Variants in C10orf90 observed in about 807,000 individuals in gnomAD.
The protein encoded by C10orf90 is chromosome 10 open reading frame 90.
In C10orf90, 56 loss-of-function variants were observed where a neutral mutation model predicts 62.5. The ratio of observed to expected loss-of-function variants is 0.90; its 90% CI spans 0.72 to 1.12. C10orf90 has a LOEUF of 1.12. Among genes scored for constraint, C10orf90 ranks in the 50% most tolerant of loss-of-function variants. The pLI is 0.00. For missense variants in C10orf90, 970 were observed against 880.4 expected, an observed-to-expected ratio of 1.10 and a Z score of -1.29; for synonymous variants, 386 against 340.4, an observed-to-expected ratio of 1.13 and a Z score of -1.47.
chr10:126,655,294 G>A (rs928907433), intron 1 of C10orf90, among the ~76,000 whole-genome samples: 2 of 152,100 alleles, frequency 1.3e-5, no homozygotes, highest in Non-Finnish European at 2.9e-5. Flanking sequence ...CTCCAGCCTG[G>A]CAACAGAGCA....
At chr10:126,531,008 T>TAG (rs1193638430) in intron 2 of C10orf90, among the ~76,000 whole-genome samples, 1 of 151,784 alleles carries the variant, frequency 6.6e-6, no homozygotes, top group Non-Finnish European at 1.5e-5. Flanking sequence ...ACCCTGTCTC[T>TAG]ACTAAAAATA....
chr10:126,503,641 A>G (rs1862528735), intron 4 of C10orf90, among the ~76,000 whole-genome samples: 1 of 152,164 alleles, frequency 6.6e-6, no homozygotes, highest in Non-Finnish European at 1.5e-5. Context: ...CCTCTTTTGG[A>G]ACGCAATTTG....
intron 4 of C10orf90, among the ~76,000 whole-genome samples, chr10:126,485,950 A>T (rs1430063884): frequency 2.2e-5 from 2 of 90,518 alleles, no homozygotes; most frequent in Non-Finnish European, 4.2e-5. Context: ...CCATCTCAAG[A>T]AAAAAAAAAA....
chr10:126,640,267 G>C (rs1215491023), intron 2 of C10orf90, among the ~76,000 whole-genome samples: 1 of 152,254 alleles, frequency 6.6e-6, no homozygotes. Flanking sequence ...AAGCTGAGGA[G>C]CAGGTCAGAA....
intron 4 of C10orf90, among the ~76,000 whole-genome samples, chr10:126,471,429 G>A (rs762517637): frequency 2.0e-5 from 3 of 152,192 alleles, no homozygotes; most frequent in Non-Finnish European, 4.4e-5. Flanking sequence ...GGGGCAGAGG[G>A]GCTGATGACC....
intron 2 of C10orf90, among the ~76,000 whole-genome samples, chr10:126,594,856 A>G (rs1461331214): frequency 6.6e-6 from 1 of 152,122 alleles, no homozygotes; most frequent in African/African-American, 2.4e-5. Flanking sequence ...AGGTGAAAAA[A>G]GAAGGGCACT....
At chr10:126,571,314 G>T (rs1844501045) in intron 2 of C10orf90, among the ~76,000 whole-genome samples, 1 of 152,194 alleles carries the variant, frequency 6.6e-6, no homozygotes, top group African/African-American at 2.4e-5. Context: ...CCAAAGGGCA[G>T]GTGAGACTCA....
At chr10:126,617,864 G>A (rs535931180) in intron 2 of C10orf90, among the ~76,000 whole-genome samples, 39 of 152,272 alleles carry the variant, frequency 2.6e-4, no homozygotes, top group Non-Finnish European at 2.6e-4. Context: ...TTATACAGTC[G>A]GAGAGAAAGA....
intron 7 of C10orf90, among the ~76,000 whole-genome samples, chr10:126,434,035 C>T (rs1200952980): frequency 6.6e-6 from 1 of 152,148 alleles, no homozygotes. Flanking sequence ...AGTCTTGCAT[C>T]TGCCTCATTA....
chr10:126,481,913 A>G (rs1194952445), intron 4 of C10orf90, among the ~76,000 whole-genome samples: 1 of 152,296 alleles, frequency 6.6e-6, no homozygotes, highest in East Asian at 1.9e-4. Flanking sequence ...GCTGACCATA[A>G]AGAAATTAAG....
At chr10:126,498,022 T>A (rs1862164570) in intron 4 of C10orf90, among the ~76,000 whole-genome samples, 1 of 152,202 alleles carries the variant, frequency 6.6e-6, no homozygotes, top group African/African-American at 2.4e-5. Context: ...TTCTTCTGGC[T>A]TCCCTAAAGA....
At chr10:126,442,487 A>ATATATATATATATATCTATATC (rs1449750468) in intron 7 of C10orf90, among the ~76,000 whole-genome samples, 1 of 96,574 alleles carries the variant, frequency 1.0e-5, no homozygotes, top group African/African-American at 4.3e-5. Context: ...TCATATATAT[A>ATATATATATATATATCTATATC]TATATATATA....
chr10:126,436,779 G>A (rs145765556), intron 7 of C10orf90, among the ~76,000 whole-genome samples: 91 of 151,954 alleles, frequency 6.0e-4, no homozygotes, highest in African/African-American at 2.0e-3. Context: ...CTCCCACTTC[G>A]GCCTCCCCTG....
chr10:126,468,080 T>C (rs1860383999), intron 4 of C10orf90, among the ~76,000 whole-genome samples: 1 of 117,582 alleles, frequency 8.5e-6, no homozygotes, highest in African/African-American at 4.4e-5. Flanking sequence ...CAAAGCTAGC[T>C]TTTTTTTTTT....
intron 7 of C10orf90, among the ~76,000 whole-genome samples, chr10:126,436,088 C>G (rs1857906792): frequency 6.6e-6 from 1 of 152,154 alleles, no homozygotes; most frequent in Non-Finnish European, 1.5e-5. Context: ...CCCGTAGTGC[C>G]AAAGACCCAC....
intron 2 of C10orf90, among the ~76,000 whole-genome samples, chr10:126,597,495 C>G (rs185237829): frequency 6.5e-4 from 99 of 152,296 alleles, no homozygotes; most frequent in African/African-American, 2.0e-3. Context: ...GGATTTGTTC[C>G]AAGGGCAAGA....
intron 2 of C10orf90, among the ~76,000 whole-genome samples, chr10:126,528,409 T>C (rs560798400): frequency 6.6e-6 from 1 of 152,198 alleles, no homozygotes; most frequent in African/African-American, 2.4e-5. Flanking sequence ...AACCTCTTGA[T>C]GCTTGAAAAA....
At chr10:126,605,293 C>A (rs556183251) in intron 2 of C10orf90, among the ~76,000 whole-genome samples, 5 of 150,694 alleles carry the variant, frequency 3.3e-5, no homozygotes, top group South Asian at 4.1e-4. Flanking sequence ...TTCTCTGACT[C>A]CAGCGCTCTC....
chr10:126,628,765 CCAGTCCCTG>C, intron 2 of C10orf90, among the ~76,000 whole-genome samples: 1 of 152,212 alleles, frequency 6.6e-6, no homozygotes, highest in Non-Finnish European at 1.5e-5. Context: ...TGTCCTGTAT[CCAGTCCCTG>C]CAGCTTCTGC....
Sources: gnomAD v4.1 joint callset for allele counts (sites outside exome capture counted in the v4.1 genomes callset) on GRCh38, gnomAD v4.1.1 for gene constraint, MANE v1.5 for transcripts, NCBI Gene and HGNC (gene_info 2026-07-23, HGNC 2026-07-21) for gene names.